GRXCR2: variants seen among roughly 807,000 people sequenced by gnomAD.
The protein encoded by GRXCR2 is glutaredoxin domain-containing cysteine-rich protein 2.
In GRXCR2, 23 loss-of-function variants were observed where a neutral mutation model predicts 24.8. That is an observed-to-expected ratio of 0.93 (90% CI 0.67 to 1.32). GRXCR2 has a LOEUF of 1.32. Among genes scored for constraint, GRXCR2 ranks in the 40% most tolerant of loss-of-function variants. The pLI is 0.00. For missense variants in GRXCR2, 315 were observed against 303.4 expected (o/e 1.04, Z -0.28); for synonymous variants, 130 against 116.1 (o/e 1.12, Z -0.77).
intron 2 of GRXCR2, among the ~76,000 whole-genome samples, chr5:145,925,176 T>C (rs1757373249): frequency 6.6e-6 from 1 of 152,114 alleles, no homozygotes; most frequent in South Asian, 2.1e-4. Flanking sequence ...TTTAAGTAAT[T>C]TGCTGTAGGT....
chr5:145,880,220 AC>A (rs1187086088), intron 2 of GRXCR2, among the ~76,000 whole-genome samples: 1 of 152,170 alleles, frequency 6.6e-6, no homozygotes, highest in Non-Finnish European at 1.5e-5. Flanking sequence ...AGATAGAGAC[AC>A]AAAAAAAACC....
At chr5:145,920,207 A>T (rs1448877948) in intron 2 of GRXCR2, among the ~76,000 whole-genome samples, 1 of 152,156 alleles carries the variant, frequency 6.6e-6, no homozygotes, top group Admixed American at 6.5e-5. Flanking sequence ...TAAAAGTGAT[A>T]GTAACTCACA....
chr5:145,869,559 C>CT (rs398038865), intron 1 of GRXCR2, among the ~76,000 whole-genome samples: 7,707 of 137,484 alleles, frequency 0.056, 726 homozygotes, highest in African/African-American at 0.18. Flanking sequence ...CTCTCTCTCT[C>CT]TTTTTTTTTT....
chr5:145,901,660 A>G (rs1472390473), intron 2 of GRXCR2, among the ~76,000 whole-genome samples: 1 of 152,200 alleles, frequency 6.6e-6, no homozygotes, highest in Non-Finnish European at 1.5e-5. Flanking sequence ...AGGTGGATAG[A>G]GCAGGTCTCA....
At chr5:145,873,243 C>A (rs1403952896), upstream of GRXCR2, among the ~76,000 whole-genome samples, 1 of 152,168 alleles carries the variant, frequency 6.6e-6, no homozygotes, top group East Asian at 1.9e-4. Flanking sequence ...CACCCCAACC[C>A]TAACCTTTCT....
chr5:145,872,582 C>A (rs1307671636), intron 1 of GRXCR2, 51 bp downstream of exon 1: 3 of 1,455,294 alleles, frequency 2.1e-6, no homozygotes, highest in East Asian at 2.3e-5. Flanking sequence ...TCTCTAAACA[C>A]GTTTTAGGAA....
In GRXCR2 at chr5:145,866,695, T is replaced by C; in HGVS notation, c.370A>G (p.Ile124Val). Residue 124 changes from isoleucine (I) to valine (V), a missense_variant, in exon 2 of 3, where the codon ATC becomes GTC. Ile to Val is a conservative substitution (Grantham distance 29, BLOSUM62 3). Transcript: ENST00000377976. ...LPIIDFGKII[I>V]YTNNLKIIRT... ...ATGATTTTCAGGTTATTAGTGTAGA[T>C]GATTATCTTTCCAAAATCTATAATA... The C allele has an allele frequency of 1.9e-6, 3 of 1,612,938 alleles. No homozygotes were observed. The highest frequency in any genetic ancestry group is 2.5e-6 in the Non-Finnish European group (3 of 1,178,916).
At chr5:145,858,314 CACAAAAAAAAAAAAAAAA>C (rs1756274037), downstream of GRXCR2, among the ~76,000 whole-genome samples, 1 of 28,488 alleles carries the variant, frequency 3.5e-5, no homozygotes, top group Admixed American at 4.8e-4. Flanking sequence ...CTCTGTCTCC[CACAAAAAAAAAAAAAAAA>C]AGCAGAATAC....
intron 2 of GRXCR2, among the ~76,000 whole-genome samples, chr5:145,864,734 G>T (rs1756399402): frequency 6.6e-6 from 1 of 152,086 alleles, no homozygotes; most frequent in Non-Finnish European, 1.5e-5. Context: ...GGAACTGTGA[G>T]TCAATTAAAC....
intron 2 of GRXCR2, among the ~76,000 whole-genome samples, chr5:145,885,672 A>G (rs1396011049): frequency 6.6e-6 from 1 of 152,222 alleles, no homozygotes. Flanking sequence ...ATACTAATAT[A>G]CTTTGTCAAT....
At chr5:145,871,791 A>G (rs979181574) in intron 1 of GRXCR2, among the ~76,000 whole-genome samples, 1 of 152,230 alleles carries the variant, frequency 6.6e-6, no homozygotes, top group Non-Finnish European at 1.5e-5. Flanking sequence ...CACACTTTAA[A>G]GATGAGAACA....
At chr5:145,898,274 T>C (rs1392824057) in intron 2 of GRXCR2, among the ~76,000 whole-genome samples, 1 of 150,948 alleles carries the variant, frequency 6.6e-6, no homozygotes, top group Non-Finnish European at 1.5e-5. Flanking sequence ...AGTTCTGAAA[T>C]TGAATCAGTA....
intron 2 of GRXCR2, among the ~76,000 whole-genome samples, chr5:145,891,315 T>G (rs529965790): frequency 6.6e-6 from 1 of 152,088 alleles, no homozygotes; most frequent in Non-Finnish European, 1.5e-5. Flanking sequence ...ACACCGAGCA[T>G]GAGCCAAAGC....
chr5:145,882,141 A>G (rs899634253), intron 2 of GRXCR2, among the ~76,000 whole-genome samples: 6 of 152,236 alleles, frequency 3.9e-5, no homozygotes, highest in African/African-American at 1.4e-4. Context: ...CACCAAAAGC[A>G]ATGACAACGA....
At chr5:145,913,918 T>A (rs1757198877) in intron 2 of GRXCR2, among the ~76,000 whole-genome samples, 1 of 152,220 alleles carries the variant, frequency 6.6e-6, no homozygotes, top group East Asian at 1.9e-4. Context: ...GAGCACCTTC[T>A]ATGTGTCAAA....
chr5:145,887,497 C>A (rs1351763924), intron 2 of GRXCR2, among the ~76,000 whole-genome samples: 1 of 152,168 alleles, frequency 6.6e-6, no homozygotes, highest in Non-Finnish European at 1.5e-5. Context: ...AATGAATGAA[C>A]ACCACAGACA....
At chr5:145,877,412 C>G (rs1459861932), upstream of GRXCR2, among the ~76,000 whole-genome samples, 1 of 150,420 alleles carries the variant, frequency 6.6e-6, no homozygotes, top group African/African-American at 2.5e-5. Flanking sequence ...TGCAGTGGTG[C>G]AATCTTGGCT....
At chr5:145,871,193 T>G (rs1756526351) in intron 1 of GRXCR2, among the ~76,000 whole-genome samples, 1 of 152,190 alleles carries the variant, frequency 6.6e-6, no homozygotes, top group East Asian at 1.9e-4. Flanking sequence ...AACTGTGACT[T>G]TGTAAATTCT....
rs114289359 is a variant in GRXCR2 at position 145,868,695 on chromosome 5, G to A, written c.337-1967C>T. ...TTTTTCAAGACAAAACTCTCAATAC[G>A]CTAAAAGAATCTGAGATCACCTACT... On this transcript the variant is annotated intron_variant, in intron 1 of 2. Coordinates refer to ENST00000377976, the MANE Select transcript of GRXCR2 (RefSeq NM_001080516.2). Among the ~76,000 whole-genome samples, 455 of 152,144 alleles carry A rather than the reference G, an allele frequency of 3.0e-3. 2 individuals are homozygous for A. Among genetic ancestry groups the A allele is most frequent in the African/African-American group, 0.011 (443 of 41,516 alleles).
Sources: allele counts gnomAD v4.1 joint callset (sites outside exome capture counted in the v4.1 genomes callset), GRCh38; gene constraint gnomAD v4.1.1; transcripts MANE v1.5; gene names NCBI Gene and HGNC (gene_info 2026-07-23, HGNC 2026-07-21).